Variants in NFAT5 observed in about 807,000 individuals in gnomAD.
NFAT5 encodes nuclear factor of activated T-cells 5.
A neutral mutation model predicts 166.5 loss-of-function variants in NFAT5; 31 were observed. The observed-to-expected ratio is 0.19, with a 90% CI of 0.14 to 0.25. The LOEUF is 0.25. NFAT5 is among the 10% of genes least tolerant of loss of function. The probability of loss-of-function intolerance (pLI) is 1.00; values close to 1 mark genes in which losing one functional copy is unlikely to be tolerated. For synonymous variants in NFAT5, 612 were observed against 639.7 expected, an observed-to-expected ratio of 0.96 and a Z score of 0.65; for missense variants, 1,449 against 1,821.8, an observed-to-expected ratio of 0.80 and a Z score of 3.72.
intron 3 of NFAT5, among the ~76,000 whole-genome samples, chr16:69,634,536 A>G (rs2034870266): frequency 6.6e-6 from 1 of 152,196 alleles, no homozygotes; most frequent in Non-Finnish European, 1.5e-5. Context: ...ATATGTATCA[A>G]GTATGTGTGT....
chr16:69,638,735 CA>C (rs34075469), intron 3 of NFAT5, among the ~76,000 whole-genome samples: 2,980 of 88,166 alleles, frequency 0.034, 74 homozygotes, highest in African/African-American at 0.1. Flanking sequence ...GACTCGGTCT[CA>C]AAAAAAAAAA....
At chr16:69,582,814 TTTC>T (rs2031786977) in intron 2 of NFAT5, among the ~76,000 whole-genome samples, 2 of 151,978 alleles carry the variant, frequency 1.3e-5, no homozygotes, top group Non-Finnish European at 2.9e-5. Flanking sequence ...TCCAACTTTT[TTTC>T]TTCTTTTGTA....
intron 12 of NFAT5, among the ~76,000 whole-genome samples, chr16:69,691,542 G>A (rs1567612110): frequency 6.6e-6 from 1 of 152,006 alleles, no homozygotes; most frequent in Non-Finnish European, 1.5e-5. Context: ...ATCTTTGCTT[G>A]TCGTACTTTT....
rs2037528805 is a variant in NFAT5 at position 69,691,099 on chromosome 16, T to C, written c.1923+11T>C. The C allele has an allele frequency of 1.3e-6, 2 of 1,561,108 alleles. No individual in the cohort carries two copies. Among genetic ancestry groups the C allele is most frequent in the Admixed American group, 2.0e-5 (1 of 50,704 alleles). On this transcript the variant is annotated intron_variant, in intron 12 of 14. Transcript: ENST00000349945. Reference sequence around the variant, plus strand: ...TCCACTATTTTTAAGGTAAGCTGTATTGACTAGTGCACAAACCTCCTATAT... The same window carrying C: ...TCCACTATTTTTAAGGTAAGCTGTACTGACTAGTGCACAAACCTCCTATAT...
rs1001267895 is a variant in NFAT5 at position 69,684,901 on chromosome 16, T to C, written c.1705T>C (p.Leu569=). 2 of 1,604,938 alleles carry C rather than the reference T, an allele frequency of 1.2e-6. No individual in the cohort carries two copies. The highest frequency in any genetic ancestry group is 1.3e-5 in the African/African-American group (1 of 74,566). Residue 569 remains leucine, a synonymous_variant, in exon 11 of 15, where the codon TTG becomes CTG. Transcript: ENST00000349945. ...TTTTTTAATAGCAGCAGCTGGTGCTTTGAATGTAAATGTGAAGAAGGAAAT... is the reference window on the plus strand; with the variant it reads ...TTTTTTAATAGCAGCAGCTGGTGCTCTGAATGTAAATGTGAAGAAGGAAAT... ...YTPDPAAAGA[L]NVNVKKEISS... is the part of the protein sequence containing the mutation.
chr16:69,600,036 A>G (rs1193449329), intron 2 of NFAT5, among the ~76,000 whole-genome samples: 1 of 152,170 alleles, frequency 6.6e-6, no homozygotes, highest in East Asian at 1.9e-4. Context: ...GAGGTAATTG[A>G]AGTAGTTCAG....
At chr16:69,688,052 C>A (rs908975235) in intron 11 of NFAT5, among the ~76,000 whole-genome samples, 7 of 150,582 alleles carry the variant, frequency 4.6e-5, no homozygotes, top group Admixed American at 1.3e-4. Flanking sequence ...AAAAATTAGC[C>A]GGGCGCGGTG....
intron 6 of NFAT5, among the ~76,000 whole-genome samples, chr16:69,658,523 G>A (rs994647615): frequency 6.6e-6 from 1 of 151,102 alleles, no homozygotes; most frequent in Non-Finnish European, 1.5e-5. Context: ...GGTAAAAAAA[G>A]CTAAAAACAT....
intron 2 of NFAT5, among the ~76,000 whole-genome samples, chr16:69,574,330 TATTA>T (rs1597335922): frequency 6.6e-6 from 1 of 152,232 alleles, no homozygotes; most frequent in Admixed American, 6.5e-5. Context: ...AAATGTTGCT[TATTA>T]ATTTGTATTA....
intron 14 of NFAT5, 70 bp from the exon 15 acceptor site, chr16:69,696,277 ACTTTAGGATCATT>A (rs1419556831): frequency 6.6e-6 from 1 of 152,186 alleles, no homozygotes; most frequent in Admixed American, 6.5e-5. Flanking sequence ...ACCATAATAT[ACTTTAGGATCATT>A]CAGGGTGTCA....
chr16:69,672,320 C>T (rs942020392), intron 9 of NFAT5, among the ~76,000 whole-genome samples: 4 of 152,220 alleles, frequency 2.6e-5, no homozygotes, highest in Non-Finnish European at 5.9e-5. Flanking sequence ...TTAATACCTG[C>T]TTTGTCATTA....
chr16:69,581,083 C>CT (rs2031656892), intron 2 of NFAT5, among the ~76,000 whole-genome samples: 1 of 152,188 alleles, frequency 6.6e-6, no homozygotes, highest in African/African-American at 2.4e-5. Context: ...ACTCTATCAC[C>CT]TAGGCTGGAA....
At chr16:69,621,204 T>G (rs2034180734) in intron 2 of NFAT5, among the ~76,000 whole-genome samples, 1 of 152,124 alleles carries the variant, frequency 6.6e-6, no homozygotes. Context: ...GATACCCTGC[T>G]TGTTCTTGTC....
intron 2 of NFAT5, among the ~76,000 whole-genome samples, chr16:69,571,258 C>A (rs2016420060): frequency 6.7e-6 from 1 of 150,344 alleles, no homozygotes; most frequent in Non-Finnish European, 1.5e-5. Flanking sequence ...GAGCCAAGAT[C>A]ACTCTACTGA....
intron 5 of NFAT5, among the ~76,000 whole-genome samples, chr16:69,654,959 T>C (rs1327780436): frequency 6.6e-6 from 1 of 152,224 alleles, no homozygotes; most frequent in East Asian, 1.9e-4. Context: ...TCCCAAATGC[T>C]GTTTTAAATA....
At position 69,596,457 on chromosome 16, in the gene NFAT5, C is replaced by T. The variant is rs371243311; in HGVS notation, c.127+27909C>T. Among the ~76,000 whole-genome samples, 18 of 152,286 alleles carry T rather than the reference C, an allele frequency of 1.2e-4. No individual in the cohort carries two copies. The South Asian group carries it at 3.1e-3, about 26-fold the overall frequency. ...AAAGAAGGCCGGGTGCAGTGGCTCACGCCTGTAATCCCAGCACTTTGGGAG... is the reference window on the plus strand; with the variant it reads ...AAAGAAGGCCGGGTGCAGTGGCTCATGCCTGTAATCCCAGCACTTTGGGAG... On this transcript the variant is annotated intron_variant, in intron 2 of 14. Coordinates refer to ENST00000349945, the MANE Select transcript of NFAT5 (RefSeq NM_138713.4).
intron 2 of NFAT5, among the ~76,000 whole-genome samples, chr16:69,597,964 A>G (rs2032901033): frequency 6.6e-6 from 1 of 152,210 alleles, no homozygotes. Context: ...ACTGTTGTCT[A>G]GAGAAGAAGA....
Position 69,693,509 on chromosome 16 carries a change from G to A in NFAT5, c.3684G>A (p.Gln1228=). 1 of 1,614,114 alleles carries A rather than the reference G, an allele frequency of 6.2e-7. No individual in the cohort carries two copies. Among genetic ancestry groups the A allele is most frequent in the Non-Finnish European group, 8.5e-7 (1 of 1,180,030 alleles). Residue 1228 remains glutamine, a synonymous_variant, in exon 13 of 15, where the codon CAG becomes CAA. Transcript: ENST00000349945. ...AACCCCCGCAGCAGGGTTTATTTCA[G>A]CCTCAGGTGGCCCTGGGCTCCCTTC... ...QAQPPQQGLF[Q]PQVALGSLPP...
intron 11 of NFAT5, among the ~76,000 whole-genome samples, chr16:69,688,202 C>CAAA (rs1188158260): frequency 0.15 from 7,363 of 49,078 alleles, 747 homozygotes; most frequent in East Asian, 0.25. Context: ...GACTCCGTCT[C>CAAA]AAAAAAAAAA....
Sources: gnomAD v4.1 joint callset for allele counts (sites outside exome capture counted in the v4.1 genomes callset) on GRCh38, gnomAD v4.1.1 for gene constraint, MANE v1.5 for transcripts, NCBI Gene and HGNC (gene_info 2026-07-23, HGNC 2026-07-21) for gene names.